The following ARL17A variants were observed in gnomAD, a reference collection of about 807,000 sequenced individuals.
ARL17A encodes ARF like GTPase 17A.
At chr17:46,532,405 T>C (rs1212720169) in intron 4 of ARL17A, among the ~76,000 whole-genome samples, 3 of 150,208 alleles carry the variant, frequency 2.0e-5, no homozygotes, top group Non-Finnish European at 4.4e-5. Flanking sequence ...TTAGTTTGGA[T>C]ACCAGGTTAA....
downstream of ARL17A, among the ~76,000 whole-genome samples, chr17:46,516,077 G>A (rs1298367527): frequency 2.8e-5 from 4 of 141,612 alleles, no homozygotes; most frequent in Non-Finnish European, 6.0e-5. Flanking sequence ...GAGGCGGGCG[G>A]ATCATGAGGT....
intron 3 of ARL17A, among the ~76,000 whole-genome samples, chr17:46,539,200 G>A (rs1440535256): frequency 1.4e-5 from 1 of 73,452 alleles, no homozygotes; most frequent in Non-Finnish European, 3.6e-5. Context: ...GACAGAGTGA[G>A]ACTCCATCTC....
At chr17:46,558,996 T>C (rs1300165436) in intron 3 of ARL17A, 1 of 94,722 alleles carries the variant, frequency 1.1e-5, no homozygotes, top group Non-Finnish European at 2.0e-5. Context: ...ATTAAACCCT[T>C]TTATGCACAC....
intron 2 of ARL17A, among the ~76,000 whole-genome samples, chr17:46,575,621 G>A (rs1045159421): frequency 9.4e-6 from 1 of 105,862 alleles, no homozygotes; most frequent in African/African-American, 3.8e-5. Context: ...GGTTAAATTT[G>A]CTTAGCCTCC....
chr17:46,505,469 TTTA>T, the ARL17A span, among the ~76,000 whole-genome samples: 2 of 88,764 alleles, frequency 2.3e-5, no homozygotes, highest in South Asian at 3.4e-4. Context: ...TGTTTATCTA[TTTA>T]TTATTATTTT....
At chr17:46,529,449 C>G in intron 4 of ARL17A, among the ~76,000 whole-genome samples, 1 of 107,194 alleles carries the variant, frequency 9.3e-6, no homozygotes, top group Admixed American at 1.0e-4. Context: ...GTCAGTGCAC[C>G]TTAGTTTAAT....
Position 46,534,707 on chromosome 17 carries a change from T to G in ARL17A, c.335+3644A>C, listed in dbSNP as rs2054326206. Among the ~76,000 whole-genome samples the G allele has an allele frequency of 2.0e-5, 3 of 150,090 alleles. No individual in the cohort carries two copies. The South Asian group carries it at 6.3e-4, about 31-fold the overall frequency. On this transcript the variant is annotated intron_variant, in intron 4 of 4. Transcript: ENST00000329240. The stretch of plus-strand genomic sequence containing the variant: ...TCATGGCCCGTTCTCAATGAGCTGT[T>G]GGGTACACCTCCCAGACGGGGTGGC...
At chr17:46,575,157 A>G (rs2057756949) in intron 2 of ARL17A, among the ~76,000 whole-genome samples, 1 of 110,616 alleles carries the variant, frequency 9.0e-6, no homozygotes, top group Non-Finnish European at 2.1e-5. Flanking sequence ...TATTCAGAAC[A>G]GAACAGTAGT....
downstream of ARL17A, among the ~76,000 whole-genome samples, chr17:46,525,638 C>T (rs1370198186): frequency 8.1e-6 from 1 of 122,794 alleles, no homozygotes; most frequent in African/African-American, 2.8e-5. Flanking sequence ...TCATCATCAT[C>T]ATCATCATCT....
intron 3 of ARL17A, chr17:46,558,785 T>C (rs1193605626): frequency 2.2e-5 from 3 of 134,712 alleles, no homozygotes; most frequent in African/African-American, 8.5e-5. Flanking sequence ...GCCTCCCTTC[T>C]AACTCACACT....
chr17:46,548,268 C>T, downstream of ARL17A: 1 of 382,940 alleles, frequency 2.6e-6, no homozygotes, highest in South Asian at 2.3e-5. Context: ...TGCATCCCAT[C>T]CCATCATCTT....
intron 4 of ARL17A, among the ~76,000 whole-genome samples, chr17:46,532,077 C>T (rs1486552234): frequency 6.6e-6 from 1 of 150,392 alleles, no homozygotes; most frequent in Non-Finnish European, 1.5e-5. Context: ...GAGTGAGACT[C>T]CAATGGAGAC....
chr17:46,555,693 A>AT lies in ARL17A; in HGVS notation c.*1662dup. ...ATGAAGCCTGCCAGAGAAACAAAGCATTTTTTAAAAGAGGAAATAAGGTGA... is the reference window on the plus strand; with the variant it reads ...ATGAAGCCTGCCAGAGAAACAAAGCATTTTTTTAAAAGAGGAAATAAGGTGA... On this transcript the variant is annotated 3_prime_UTR_variant, in exon 4 of 4. Coordinates refer to ENST00000336125, the MANE Select transcript of ARL17A (RefSeq NM_001113738.2). 7 of 431,456 alleles carry AT rather than the reference A, an allele frequency of 1.6e-5. No individual in the cohort carries two copies. In the South Asian group the frequency reaches 1.7e-4, roughly 10 times the overall value. 26.7% of individuals were successfully genotyped at this position (431,456 alleles called of 1,614,324 possible).
chr17:46,517,091 T>TA, intron 4 of ARL17A: 1 of 694,132 alleles, frequency 1.4e-6, no homozygotes, highest in Non-Finnish European at 2.2e-6. Context: ...ATAAAATACT[T>TA]ACATTCAAAG....
intron 3 of ARL17A, among the ~76,000 whole-genome samples, chr17:46,558,232 G>A (rs1381050399): frequency 1.2e-5 from 1 of 85,098 alleles, no homozygotes; most frequent in Non-Finnish European, 2.2e-5. Flanking sequence ...GCTAATTTTT[G>A]TATTTTTAGT....
intron 3 of ARL17A, among the ~76,000 whole-genome samples, chr17:46,519,669 G>GT (rs919561951): frequency 1.5e-5 from 2 of 134,278 alleles, no homozygotes; most frequent in African/African-American, 6.0e-5. Flanking sequence ...TGAGCCAGGA[G>GT]TTTGAGACCA....
downstream of ARL17A, among the ~76,000 whole-genome samples, chr17:46,516,166 G>A (rs1480484093): frequency 6.7e-6 from 1 of 150,068 alleles, no homozygotes; most frequent in African/African-American, 2.5e-5. Context: ...AGCCAGGCAT[G>A]GTGGTGGGTG....
the ARL17A span, among the ~76,000 whole-genome samples, chr17:46,503,763 T>G: frequency 1.1e-4 from 9 of 81,082 alleles, no homozygotes; most frequent in South Asian, 6.0e-4. Context: ...TAACTTGGGG[T>G]GGGGGATGGG....
intron 4 of ARL17A, among the ~76,000 whole-genome samples, chr17:46,533,803 G>T: frequency 1.1e-5 from 1 of 94,036 alleles, no homozygotes; most frequent in African/African-American, 6.3e-5. Context: ...CGCCCAGCCA[G>T]TGCTTTTTAT....
Sources: allele counts gnomAD v4.1 joint callset (sites outside exome capture counted in the v4.1 genomes callset), GRCh38; gene constraint gnomAD v4.1.1; transcripts MANE v1.5; gene names NCBI Gene and HGNC (gene_info 2026-07-23, HGNC 2026-07-21).